The following SRGAP1 variants were observed in gnomAD, a reference collection of about 807,000 sequenced individuals.
The protein encoded by SRGAP1 is SLIT-ROBO Rho GTPase-activating protein 1.
In SRGAP1, 43 loss-of-function variants were observed where a neutral mutation model predicts 121.9. The ratio of observed to expected loss-of-function variants is 0.35; its 90% CI spans 0.28 to 0.46. SRGAP1 has a LOEUF of 0.46. Ranked by LOEUF, SRGAP1 falls within the 20% of genes least tolerant of loss-of-function variation. The pLI is 1.00. For synonymous variants in SRGAP1, 447 were observed against 485.4 expected (o/e 0.92, Z 1.04); for missense variants, 1,102 against 1,350.9 (o/e 0.82, Z 2.89).
intron 1 of SRGAP1, among the ~76,000 whole-genome samples, chr12:63,965,096 A>C (rs1368409404): frequency 6.6e-6 from 1 of 152,172 alleles, no homozygotes; most frequent in African/African-American, 2.4e-5. Flanking sequence ...GCAAAATAGG[A>C]ATGTTCGAAT....
Position 64,144,981 on chromosome 12 carries a change from C to G in SRGAP1, c.*2309C>G, listed in dbSNP as rs2136658301. 6.6e-6 allele frequency: 1 copy of G among 151,660 alleles called. No individual in the cohort carries two copies. The highest frequency in any genetic ancestry group is 2.4e-5 in the African/African-American group (1 of 41,298). The allele number at this position is 151,660 out of a possible 1,614,324, so 9.4% of individuals were successfully genotyped here. On this transcript the variant is annotated 3_prime_UTR_variant, in exon 22 of 22. Coordinates refer to ENST00000355086, the MANE Select transcript of SRGAP1 (RefSeq NM_020762.4). ...TGAGTAGCTGGGATTACAGGCGCCACCACCACGCCCAGCTAATTTTTGTAT... is the reference window on the plus strand; with the variant it reads ...TGAGTAGCTGGGATTACAGGCGCCAGCACCACGCCCAGCTAATTTTTGTAT...
intron 1 of SRGAP1, among the ~76,000 whole-genome samples, chr12:63,874,407 G>A (rs915061861): frequency 6.6e-6 from 1 of 152,086 alleles, no homozygotes; most frequent in Admixed American, 6.6e-5. Context: ...GTTTCACCAT[G>A]TTAGCCAGGA....
At chr12:63,966,923 G>A (rs1361739256) in intron 1 of SRGAP1, among the ~76,000 whole-genome samples, 4 of 152,150 alleles carry the variant, frequency 2.6e-5, no homozygotes, top group African/African-American at 9.7e-5. Context: ...TCATATATGA[G>A]TATTCATAAT....
At chr12:64,017,352 G>A (rs571555867) in intron 4 of SRGAP1, among the ~76,000 whole-genome samples, 3 of 152,208 alleles carry the variant, frequency 2.0e-5, no homozygotes, top group South Asian at 2.1e-4. Context: ...TATTGAATTC[G>A]AGAATATTTT....
chr12:64,121,985 A>T (rs7972663), intron 18 of SRGAP1, among the ~76,000 whole-genome samples: 4,692 of 152,298 alleles, frequency 0.031, 255 homozygotes, highest in African/African-American at 0.11. Flanking sequence ...CACTAGAGAG[A>T]GTAGCTTTTG....
chr12:63,938,324 T>A (rs2031739471), intron 1 of SRGAP1, among the ~76,000 whole-genome samples: 1 of 152,164 alleles, frequency 6.6e-6, no homozygotes, highest in Admixed American at 6.5e-5. Flanking sequence ...TTAGGAGCCC[T>A]TGTAGAGGTG....
chr12:63,912,599 A>G (rs542560931), intron 1 of SRGAP1, among the ~76,000 whole-genome samples: 1 of 150,028 alleles, frequency 6.7e-6, no homozygotes, highest in African/African-American at 2.4e-5. Context: ...GGGTGATGGA[A>G]CAAGACTCCA....
chr12:64,100,878 A>G (rs2036242899), intron 15 of SRGAP1, among the ~76,000 whole-genome samples: 1 of 152,120 alleles, frequency 6.6e-6, no homozygotes, highest in South Asian at 2.1e-4. Context: ...GAGTAGCATA[A>G]TACATCTTTT....
intron 1 of SRGAP1, among the ~76,000 whole-genome samples, chr12:63,969,365 C>T (rs1384362133): frequency 3.9e-5 from 6 of 152,016 alleles, no homozygotes; most frequent in African/African-American, 1.4e-4. Context: ...GTCTTATAAC[C>T]GAATAACCTA....
chr12:63,914,901 A>G (rs1217018238), intron 1 of SRGAP1, among the ~76,000 whole-genome samples: 6 of 152,186 alleles, frequency 3.9e-5, no homozygotes, highest in Non-Finnish European at 8.8e-5. Context: ...TATTTCAACA[A>G]AGCATCTAAC....
intron 1 of SRGAP1, among the ~76,000 whole-genome samples, chr12:63,918,316 A>G (rs1382498082): frequency 2.0e-5 from 3 of 152,148 alleles, no homozygotes; most frequent in Non-Finnish European, 4.4e-5. Context: ...AAGTTAAGCA[A>G]CTCATTCAAG....
chr12:63,976,943 T>TGAG (rs1302677668), intron 1 of SRGAP1, among the ~76,000 whole-genome samples: 1 of 152,068 alleles, frequency 6.6e-6, no homozygotes, highest in Non-Finnish European at 1.5e-5. Flanking sequence ...GCTTCCTAAT[T>TGAG]TATGTGCAGA....
chr12:64,053,694 A>T lies in SRGAP1; in HGVS notation c.802-9223A>T, dbSNP rs372959347. Among the ~76,000 whole-genome samples, 14 of 152,326 alleles carry T rather than the reference A, an allele frequency of 9.2e-5. No individual in the cohort carries two copies. In the East Asian group the frequency reaches 1.5e-3, roughly 17 times the overall value. On this transcript the variant is annotated intron_variant, in intron 6 of 21. Transcript: ENST00000355086. Reference sequence around the variant, plus strand: ...GAATAAAGGTATCATTGTAGAGGAAAATAGATTGTAGTGTTTGTAAATAAT... The same window carrying T: ...GAATAAAGGTATCATTGTAGAGGAATATAGATTGTAGTGTTTGTAAATAAT...
At position 63,961,324 on chromosome 12, in the gene SRGAP1, G is replaced by A. The variant is rs190875096; in HGVS notation, c.68-22623G>A. 2.3e-3 allele frequency among the ~76,000 whole-genome samples: 352 copies of A among 152,264 alleles called. 3 individuals carry two copies. Among genetic ancestry groups the A allele is most frequent in the Admixed American group, 4.3e-3 (66 of 15,294 alleles). On this transcript the variant is annotated intron_variant, in intron 1 of 21. Transcript: ENST00000355086. Reference sequence around the variant, plus strand: ...AGTTGTGCCTTGTCTACCTGGACCTGCCCCTAATATTGGCTAGCATCTCCT... The same window carrying A: ...AGTTGTGCCTTGTCTACCTGGACCTACCCCTAATATTGGCTAGCATCTCCT...
intron 1 of SRGAP1, among the ~76,000 whole-genome samples, chr12:63,900,204 C>CTTTTTTTTCTTTTTTT (rs755464707): frequency 3.0e-4 from 26 of 87,560 alleles, no homozygotes; most frequent in East Asian, 4.2e-4. Flanking sequence ...TTTTCTTTTT[C>CTTTTTTTTCTTTTTTT]TTTTTTTTTT....
rs71457100 is a variant in SRGAP1 at position 63,861,302 on chromosome 12, A to ATTTT, written c.67+16431_67+16434dup. On this transcript the variant is annotated intron_variant, in intron 1 of 21. Transcript: ENST00000355086. ...GGATGGTAGGCATATATATATATAT[A>ATTTT]TTTTTTTTTTTTTTTGAGGCAAAGT... Among the ~76,000 whole-genome samples, 116 of 132,618 alleles carry ATTTT rather than the reference A, an allele frequency of 8.7e-4. 1 individual carries two copies. The highest frequency in any genetic ancestry group is 7.8e-3 in the South Asian group (32 of 4,080). The allele number at this position is 132,618 out of a possible 152,430, so 87.0% of individuals were successfully genotyped here.
Position 64,146,910 on chromosome 12 carries a change from T to C in SRGAP1, c.*4238T>C, listed in dbSNP as rs1360984379. The C allele has an allele frequency of 6.6e-6, 1 of 151,730 alleles. No homozygotes were observed. The highest frequency in any genetic ancestry group is 1.5e-5 in the Non-Finnish European group (1 of 67,970). 9.4% of individuals were successfully genotyped at this position (151,730 alleles called of 1,614,324 possible). ...TAAAAAAAAAAAAAAGTCTATGTGG[T>C]ATAATCGAGATGGATACCTGTGTCT... On this transcript the variant is annotated 3_prime_UTR_variant, in exon 22 of 22. Coordinates refer to ENST00000355086, the MANE Select transcript of SRGAP1 (RefSeq NM_020762.4).
intron 1 of SRGAP1, among the ~76,000 whole-genome samples, chr12:63,892,631 A>G (rs907607143): frequency 2.0e-5 from 3 of 152,158 alleles, no homozygotes; most frequent in Non-Finnish European, 2.9e-5. Context: ...TTGCAAAACC[A>G]TGATAAGCAC....
At chr12:63,857,539 A>G (rs1440139301) in intron 1 of SRGAP1, among the ~76,000 whole-genome samples, 9 of 150,642 alleles carry the variant, frequency 6.0e-5, no homozygotes, top group Non-Finnish European at 1.0e-4. Flanking sequence ...GCACCACCAT[A>G]CCTGGCAACT....
Sources: allele counts gnomAD v4.1 joint callset (sites outside exome capture counted in the v4.1 genomes callset), GRCh38; gene constraint gnomAD v4.1.1; transcripts MANE v1.5; gene names NCBI Gene and HGNC (gene_info 2026-07-23, HGNC 2026-07-21).